Variants in SUMF1 observed in about 807,000 individuals in gnomAD.
SUMF1 encodes the protein sulfatase modifying factor 1, also known as formylglycine-generating enzyme.
Under a neutral mutation model 47.6 loss-of-function variants are expected in SUMF1, and 48 were observed. The ratio of observed to expected loss-of-function variants is 1.01; its 90% CI spans 0.80 to 1.28. The LOEUF (loss-of-function observed/expected upper bound fraction) is 1.28, where lower values mean the gene tolerates loss of function less well. SUMF1 is among the 50% of genes most tolerant of loss of function. SUMF1 has a pLI of 0.00. For synonymous variants in SUMF1, 230 were observed against 192.1 expected, an observed-to-expected ratio of 1.20 and a Z score of -1.63; for missense variants, 571 against 485.4, an observed-to-expected ratio of 1.18 and a Z score of -1.66.
At chr3:4,457,771 C>T (rs1352547375) in intron 1 of SUMF1, among the ~76,000 whole-genome samples, 4 of 152,204 alleles carry the variant, frequency 2.6e-5, no homozygotes. Context: ...AATGTACAGT[C>T]TGAAACTGTA....
At chr3:4,458,450 T>A (rs1263297218) in intron 1 of SUMF1, among the ~76,000 whole-genome samples, 2 of 152,198 alleles carry the variant, frequency 1.3e-5, no homozygotes, top group East Asian at 1.9e-4. Flanking sequence ...GCAGCATTAT[T>A]CACAATAGCT....
chr3:4,351,679 G>A (rs1699505379), intron 8 of SUMF1, among the ~76,000 whole-genome samples: 1 of 152,124 alleles, frequency 6.6e-6, no homozygotes, highest in Admixed American at 6.5e-5. Context: ...TTTTAAAAAA[G>A]AAGTGACACA....
chr3:4,064,972 C>T (rs972157891), intron 9 of SUMF1, among the ~76,000 whole-genome samples: 16 of 152,154 alleles, frequency 1.1e-4, no homozygotes, highest in Non-Finnish European at 4.4e-5. Context: ...GGAAGAAACA[C>T]TCTAATGGTC....
intron 7 of SUMF1, among the ~76,000 whole-genome samples, chr3:4,402,320 C>T (rs903785230): frequency 6.6e-6 from 1 of 152,164 alleles, no homozygotes; most frequent in African/African-American, 2.4e-5. Context: ...CTAAAGGTAC[C>T]TCCTCCAAGA....
chr3:4,410,588 T>G (rs1575187349), intron 7 of SUMF1, among the ~76,000 whole-genome samples: 1 of 152,286 alleles, frequency 6.6e-6, no homozygotes, highest in Non-Finnish European at 1.5e-5. Context: ...TTGATCAAAT[T>G]TACGAGACTG....
At chr3:4,266,961 T>C (rs1391473875) in intron 8 of SUMF1, among the ~76,000 whole-genome samples, 2 of 152,108 alleles carry the variant, frequency 1.3e-5, no homozygotes, top group East Asian at 3.8e-4. Flanking sequence ...TCAAAGGCCT[T>C]TTCTGCATCT....
intron 8 of SUMF1, among the ~76,000 whole-genome samples, chr3:4,087,730 T>G (rs548836934): frequency 6.6e-6 from 1 of 151,948 alleles, no homozygotes; most frequent in African/African-American, 2.4e-5. Flanking sequence ...AAAAAAATAA[T>G]TACAATTAAA....
rs76812970 is a variant in SUMF1, at chr3:4,404,419, T to C, written c.954+6446A>G. Among the ~76,000 whole-genome samples the C allele has an allele frequency of 4.7e-3, 723 of 152,338 alleles. 5 individuals are homozygous for C. The highest frequency in any genetic ancestry group is 7.1e-3 in the Non-Finnish European group (483 of 68,032). Reference sequence around the variant, plus strand: ...TTCATTTTGAACATTAGGTTAGTTCTCTATCAAACTGATTTATTCATGTCC... The same window carrying C: ...TTCATTTTGAACATTAGGTTAGTTCCCTATCAAACTGATTTATTCATGTCC... On this transcript the variant is annotated intron_variant, in intron 7 of 8. Transcript: ENST00000272902.
At chr3:4,213,254 T>A (rs370368169) in intron 8 of SUMF1, among the ~76,000 whole-genome samples, 1 of 152,140 alleles carries the variant, frequency 6.6e-6, no homozygotes, top group African/African-American at 2.4e-5. Context: ...TGGGGGCCAA[T>A]ATTCAACATT....
chr3:4,206,676 C>A (rs2125157843), intron 8 of SUMF1, among the ~76,000 whole-genome samples: 1 of 152,268 alleles, frequency 6.6e-6, no homozygotes, highest in East Asian at 1.9e-4. Context: ...TGATCACTCA[C>A]CTGATTCTTT....
At chr3:4,127,103 T>C (rs920310375) in intron 8 of SUMF1, among the ~76,000 whole-genome samples, 2 of 152,186 alleles carry the variant, frequency 1.3e-5, no homozygotes, top group African/African-American at 4.8e-5. Flanking sequence ...TAATAACTAA[T>C]TGAAACAAGT....
chr3:4,335,978 A>AAAAAAAAAAC lies in SUMF1; in HGVS notation c.1014+40351_1014+40352insGTTTTTTTTT. Among the ~76,000 whole-genome samples, 3 of 151,000 alleles carry AAAAAAAAAAC rather than the reference A, an allele frequency of 2.0e-5. No individual in the cohort carries two copies. The East Asian group carries it at 5.8e-4, about 29-fold the overall frequency. ...TCCAACTCAAAAAAAAAAAAAAAAA[A>AAAAAAAAAAC]AACAGAAAAAACCCCCAGCCAGTAC... On this transcript the variant is annotated intron_variant and NMD_transcript_variant, in intron 8 of 12. Coordinates refer to the SUMF1 transcript ENST00000448413.
chr3:4,345,392 A>C (rs1000646359), intron 8 of SUMF1, among the ~76,000 whole-genome samples: 1 of 152,224 alleles, frequency 6.6e-6, no homozygotes, highest in Non-Finnish European at 1.5e-5. Context: ...ACATTCTTAA[A>C]GAAAAGAATT....
intron 7 of SUMF1, among the ~76,000 whole-genome samples, chr3:4,396,752 T>A (rs538070872): frequency 1.3e-4 from 20 of 152,306 alleles, no homozygotes; most frequent in African/African-American, 4.8e-4. Context: ...CCTCAAGTTT[T>A]ACAGCCTCTC....
intron 3 of SUMF1, among the ~76,000 whole-genome samples, chr3:4,432,077 G>T (rs1471711098): frequency 6.6e-6 from 1 of 151,944 alleles, no homozygotes; most frequent in Non-Finnish European, 1.5e-5. Context: ...CCAGGGATCA[G>T]ATGGAATAGA....
intron 8 of SUMF1, among the ~76,000 whole-genome samples, chr3:4,103,742 T>A (rs960578681): frequency 6.6e-6 from 1 of 152,216 alleles, no homozygotes; most frequent in East Asian, 1.9e-4. Context: ...ATCAGATCCT[T>A]AGACAAACCA....
chr3:4,215,411 A>G (rs1486214464), intron 8 of SUMF1, among the ~76,000 whole-genome samples: 1 of 152,212 alleles, frequency 6.6e-6, no homozygotes, highest in Non-Finnish European at 1.5e-5. Flanking sequence ...AATAAGAGCT[A>G]TTTATGACAA....
rs934242369 is a variant in SUMF1, at chr3:4,177,565, T to C, written c.1015-108820A>G. Among the ~76,000 whole-genome samples the C allele has an allele frequency of 4.3e-4, 66 of 152,118 alleles. 4 individuals carry two copies. Among genetic ancestry groups the C allele is most frequent in the Non-Finnish European group, 5.9e-5 (4 of 68,026 alleles). ...GTGTGTAGAGGGAAATTTATAGCAC[T>C]AAATGCCCACAAGAGAAAGCAGGAA... On this transcript the variant is annotated intron_variant and NMD_transcript_variant, in intron 8 of 12. Transcript: ENST00000448413.
intron 8 of SUMF1, among the ~76,000 whole-genome samples, chr3:4,113,110 T>C (rs1161139725): frequency 6.6e-6 from 1 of 152,060 alleles, no homozygotes; most frequent in East Asian, 1.9e-4. Flanking sequence ...ATACATGTGA[T>C]ATTTTGTTGC....
Sources: allele counts gnomAD v4.1 joint callset (sites outside exome capture counted in the v4.1 genomes callset), GRCh38; gene constraint gnomAD v4.1.1; transcripts MANE v1.5; gene names NCBI Gene and HGNC (gene_info 2026-07-23, HGNC 2026-07-21).